CAP2: variants seen among roughly 807,000 people sequenced by gnomAD.
CAP2 encodes cyclase associated actin cytoskeleton regulatory protein 2, also known as adenylyl cyclase-associated protein 2.
CAP2 carries 24 observed loss-of-function variants against 57.7 expected under a neutral mutation model. The observed-to-expected ratio is 0.42, with a 90% CI of 0.30 to 0.58. The LOEUF (loss-of-function observed/expected upper bound fraction) is 0.58, where lower values mean the gene tolerates loss of function less well. CAP2 is among the 20% of genes least tolerant of loss of function. CAP2 has a pLI of 0.22. For synonymous variants in CAP2, 194 were observed against 207.2 expected (o/e 0.94, Z 0.55); for missense variants, 501 against 590.3 (o/e 0.85, Z 1.57).
intron 7 of CAP2, among the ~76,000 whole-genome samples, chr6:17,524,893 C>CTTTTTTTT (rs11325666): frequency 4.6e-4 from 50 of 109,596 alleles, no homozygotes; most frequent in Non-Finnish European, 5.3e-4. Flanking sequence ...CTTTTCTTTT[C>CTTTTTTTT]TTTTTTTTTT....
chr6:17,477,316 C>G (rs1022436240), intron 4 of CAP2, among the ~76,000 whole-genome samples: 3 of 152,226 alleles, frequency 2.0e-5, no homozygotes, highest in African/African-American at 7.2e-5. Context: ...GCATGTCATC[C>G]GGCCACTTTC....
intron 2 of CAP2, among the ~76,000 whole-genome samples, chr6:17,424,078 T>C (rs1044794833): frequency 2.0e-5 from 3 of 152,210 alleles, no homozygotes; most frequent in African/African-American, 7.2e-5. Context: ...AAAAGTTATT[T>C]TTTTTTTAAT....
chr6:17,547,565 G>T (rs758482377), intron 11 of CAP2, among the ~76,000 whole-genome samples: 10 of 152,188 alleles, frequency 6.6e-5, no homozygotes, highest in Non-Finnish European at 1.3e-4. Context: ...TAACTGACCG[G>T]GCACGGTGGC....
intron 6 of CAP2, among the ~76,000 whole-genome samples, chr6:17,510,199 G>T (rs1422264238): frequency 6.6e-6 from 1 of 151,992 alleles, no homozygotes; most frequent in Non-Finnish European, 1.5e-5. Flanking sequence ...TTTCTTTTGG[G>T]GGGTGATGAA....
rs746815840 is a variant in CAP2, at chr6:17,551,528, A to G, written c.1274A>G (p.Glu425Gly). 5 of 1,610,520 alleles carry G rather than the reference A, an allele frequency of 3.1e-6. No homozygotes were observed. The highest frequency in any genetic ancestry group is 4.2e-6 in the Non-Finnish European group (5 of 1,176,902). ...KTEGCHIYLS[E>G]DALDCEIVSA... Reference sequence around the variant, plus strand: ...GAAGGTTGCCACATATACCTCAGTGAAGATGCATTAGACTGTGAGATCGTG... The same window carrying G: ...GAAGGTTGCCACATATACCTCAGTGGAGATGCATTAGACTGTGAGATCGTG... The change falls in exon 12 of 13, where the codon GAA becomes GGA. Residue 425 changes from glutamate to glycine, a missense_variant. Glu to Gly is a moderately conservative substitution (Grantham distance 98). Transcript: ENST00000229922.
intron 3 of CAP2, among the ~76,000 whole-genome samples, chr6:17,457,079 T>A (rs1428488047): frequency 2.0e-5 from 3 of 152,226 alleles, no homozygotes; most frequent in African/African-American, 7.2e-5. Flanking sequence ...GCAATAGATG[T>A]TCCACCAGCC....
rs1374769068 is a variant in CAP2 at position 17,490,911 on chromosome 6, C to G, written c.301-16258C>G. Among the ~76,000 whole-genome samples, 6 of 152,320 alleles carry G rather than the reference C, an allele frequency of 3.9e-5. No individual in the cohort carries two copies. In the South Asian group the frequency reaches 1.0e-3, roughly 26 times the overall value. ...CTTGTGCCCTTTGGCTGAATGTCAG[C>G]TATAAGCTCAGCCCTCCTGCTGACA... On this transcript the variant is annotated intron_variant, in intron 4 of 12. Transcript: ENST00000229922.
chr6:17,455,117 G>T (rs956785711), intron 3 of CAP2, among the ~76,000 whole-genome samples: 8 of 152,050 alleles, frequency 5.3e-5, no homozygotes, highest in Non-Finnish European at 1.0e-4. Context: ...GTCTCAGCTG[G>T]CACCAAGGAA....
chr6:17,466,056 G>A (rs115252826), intron 4 of CAP2, among the ~76,000 whole-genome samples: 4,344 of 152,234 alleles, frequency 0.029, 211 homozygotes, highest in African/African-American at 0.099. Context: ...TGTCAACTGC[G>A]TCTGTCATAC....
chr6:17,501,127 G>A lies in CAP2; in HGVS notation c.301-6042G>A, dbSNP rs546725415. Among the ~76,000 whole-genome samples the A allele has an allele frequency of 3.4e-3, 525 of 152,272 alleles. 1 individual carries two copies. The highest frequency in any genetic ancestry group is 5.9e-3 in the Non-Finnish European group (403 of 68,028). On this transcript the variant is annotated intron_variant, in intron 4 of 12. Coordinates refer to ENST00000229922, the MANE Select transcript of CAP2 (RefSeq NM_006366.3). ...ATAGAGTTCTCACAATACACGCCAGGAACGTACTGATGGGATTTTATTTGT... is the reference window on the plus strand; with the variant it reads ...ATAGAGTTCTCACAATACACGCCAGAAACGTACTGATGGGATTTTATTTGT...
intron 1 of CAP2, among the ~76,000 whole-genome samples, chr6:17,420,590 A>G (rs1759413087): frequency 6.6e-6 from 1 of 152,252 alleles, no homozygotes; most frequent in Non-Finnish European, 1.5e-5. Context: ...ATACTTTAAC[A>G]GAAGGAATTA....
At chr6:17,508,729 A>G (rs1163271249) in intron 6 of CAP2, among the ~76,000 whole-genome samples, 2 of 149,040 alleles carry the variant, frequency 1.3e-5, no homozygotes, top group African/African-American at 5.0e-5. Context: ...AACCTGCATT[A>G]TTGGATTATT....
intron 3 of CAP2, among the ~76,000 whole-genome samples, chr6:17,429,843 C>G (rs1339075078): frequency 1.3e-5 from 2 of 152,192 alleles, no homozygotes; most frequent in Non-Finnish European, 2.9e-5. Flanking sequence ...GACGTTAATA[C>G]TTTGAACATG....
chr6:17,475,564 G>A (rs1761132879), intron 4 of CAP2, among the ~76,000 whole-genome samples: 1 of 152,186 alleles, frequency 6.6e-6, no homozygotes, highest in Admixed American at 6.5e-5. Flanking sequence ...TGGCGCTAAC[G>A]ATGAGAAATG....
At chr6:17,530,766 C>T (rs1361672061) in intron 7 of CAP2, 1 of 517,410 alleles carries the variant, frequency 1.9e-6, no homozygotes, top group African/African-American at 1.9e-5. Context: ...ACATAATCCA[C>T]CTGTTCCAAG....
At chr6:17,542,096 C>A (rs893602033) in intron 9 of CAP2, among the ~76,000 whole-genome samples, 1 of 152,134 alleles carries the variant, frequency 6.6e-6, no homozygotes, top group African/African-American at 2.4e-5. Flanking sequence ...CCTGTTTCTC[C>A]CCCTGCACCC....
chr6:17,466,573 T>C (rs1760869883), intron 4 of CAP2, among the ~76,000 whole-genome samples: 1 of 152,230 alleles, frequency 6.6e-6, no homozygotes, highest in Non-Finnish European at 1.5e-5. Context: ...CAGTATTCAT[T>C]TGAATCATCT....
chr6:17,521,184 G>A (rs1287464623), intron 7 of CAP2, among the ~76,000 whole-genome samples: 2 of 152,124 alleles, frequency 1.3e-5, no homozygotes, highest in African/African-American at 2.4e-5. Context: ...AGAGGCCGAG[G>A]CGGGCAGATC....
intron 9 of CAP2, 88 bp downstream of exon 9, chr6:17,541,236 T>G: frequency 9.3e-7 from 1 of 1,080,196 alleles, no homozygotes; most frequent in Non-Finnish European, 1.3e-6. Context: ...CTGAAGGATT[T>G]CTTTTTTTTA....
Sources: allele counts gnomAD v4.1 joint callset (sites outside exome capture counted in the v4.1 genomes callset), GRCh38; gene constraint gnomAD v4.1.1; transcripts MANE v1.5; gene names NCBI Gene and HGNC (gene_info 2026-07-23, HGNC 2026-07-21).